The following MRPS9 variants were observed in gnomAD, a reference collection of about 807,000 sequenced individuals.
The protein encoded by MRPS9 is small ribosomal subunit protein uS9m.
In MRPS9, 45 loss-of-function variants were observed where a neutral mutation model predicts 59.9. The ratio of observed to expected loss-of-function variants is 0.75; its 90% CI spans 0.59 to 0.96. The LOEUF (loss-of-function observed/expected upper bound fraction) is 0.96. Among genes scored for constraint, MRPS9 ranks in the 40% least tolerant of loss-of-function variants. The pLI is 0.00. For missense variants in MRPS9, 473 were observed against 481.1 expected (o/e 0.98, Z 0.16); for synonymous variants, 171 against 166.8 (o/e 1.03, Z -0.19).
In MRPS9 at chr2:105,041,276, A is replaced by G. The variant is rs540405686; in HGVS notation, c.135+3049A>G. Among the ~76,000 whole-genome samples, 91 of 152,316 alleles carry G rather than the reference A, an allele frequency of 6.0e-4. 1 individual carries two copies. Among genetic ancestry groups the G allele is most frequent in the African/African-American group, 1.8e-3 (75 of 41,568 alleles). ...GTTTTCTATAATATTTGTGATTTTT[A>G]TAATAAGGAAAAACAAAAGACCAAT... On this transcript the variant is annotated intron_variant, in intron 1 of 10. Coordinates refer to ENST00000258455, the MANE Select transcript of MRPS9 (RefSeq NM_182640.3).
chr2:105,055,620 C>T (rs1265781743), intron 2 of MRPS9, among the ~76,000 whole-genome samples: 3 of 151,870 alleles, frequency 2.0e-5, no homozygotes, highest in Non-Finnish European at 2.9e-5. Flanking sequence ...TTAAATATAG[C>T]GGACCCCCTC....
In MRPS9 at chr2:105,049,306, A is replaced by G. The variant is rs1410574458; in HGVS notation, c.271A>G (p.Met91Val). 6.2e-7 allele frequency: 1 copy of G among 1,612,122 alleles called. No individual in the cohort carries two copies. Among genetic ancestry groups the G allele is most frequent in the Admixed American group, 1.7e-5 (1 of 59,382 alleles). The change falls in exon 2 of 11, where the codon ATG becomes GTG. Residue 91 changes from methionine to valine, a missense_variant. Transcript: ENST00000258455. ...CATAGGAAAGAGACATTTAGCCAAC[A>G]TGATGGGAGAAGATCCAGAAACTTT... ...FNIGKRHLAN[M>V]MGEDPETFTQ...
chr2:105,048,355 G>GA (rs1477097549), intron 1 of MRPS9, among the ~76,000 whole-genome samples: 1 of 151,612 alleles, frequency 6.6e-6, no homozygotes, highest in East Asian at 1.9e-4. Flanking sequence ...ACTGTTGTGG[G>GA]ATGGGGGGAG....
chr2:105,085,964 T>C (rs1242204629), intron 5 of MRPS9, among the ~76,000 whole-genome samples: 1 of 152,156 alleles, frequency 6.6e-6, no homozygotes, highest in Non-Finnish European at 1.5e-5. Context: ...TTAGCACACA[T>C]CTCTTCAGGG....
At chr2:105,067,039 G>A (rs552248487) in intron 2 of MRPS9, among the ~76,000 whole-genome samples, 2 of 152,000 alleles carry the variant, frequency 1.3e-5, no homozygotes, top group African/African-American at 4.8e-5. Context: ...TTATCGCTTT[G>A]TATATGTAAA....
intron 2 of MRPS9, among the ~76,000 whole-genome samples, chr2:105,061,942 A>G (rs751173658): frequency 6.6e-6 from 1 of 152,146 alleles, no homozygotes. Context: ...TCACAACTTG[A>G]TATTTATATG....
At chr2:105,077,333 A>C (rs1573438547) in intron 4 of MRPS9, among the ~76,000 whole-genome samples, 1 of 152,334 alleles carries the variant, frequency 6.6e-6, no homozygotes, top group East Asian at 1.9e-4. Flanking sequence ...GAAATTGTAA[A>C]TATTGTATCA....
chr2:105,052,985 C>A (rs962916375), intron 2 of MRPS9, among the ~76,000 whole-genome samples: 1 of 152,188 alleles, frequency 6.6e-6, no homozygotes, highest in Non-Finnish European at 1.5e-5. Flanking sequence ...TGGTCTGGAA[C>A]TCTTGGCATC....
At chr2:105,063,669 G>A (rs146144860) in intron 2 of MRPS9, among the ~76,000 whole-genome samples, 13 of 152,232 alleles carry the variant, frequency 8.5e-5, no homozygotes, top group African/African-American at 1.4e-4. Flanking sequence ...TTATATAACC[G>A]CAATATCACT....
At chr2:105,051,822 A>G (rs1028901258) in intron 2 of MRPS9, among the ~76,000 whole-genome samples, 13 of 152,044 alleles carry the variant, frequency 8.6e-5, no homozygotes, top group East Asian at 7.7e-4. Flanking sequence ...GTTTTATTTT[A>G]TAATATTTTT....
chr2:105,093,352 A>G (rs922285916), intron 8 of MRPS9, among the ~76,000 whole-genome samples, 178 bp from the exon 9 acceptor site: 5 of 152,138 alleles, frequency 3.3e-5, no homozygotes, highest in Admixed American at 2.6e-4. Context: ...GCTTTATTGC[A>G]TCTGTTGTGC....
chr2:105,095,498 C>CTTTTTTTTTTTT (rs1178730252), intron 9 of MRPS9, among the ~76,000 whole-genome samples: 2 of 122,582 alleles, frequency 1.6e-5, no homozygotes, highest in Non-Finnish European at 3.6e-5. Context: ...TTTTTTTTTT[C>CTTTTTTTTTTTT]TTTTTTTTTT....
intron 4 of MRPS9, among the ~76,000 whole-genome samples, chr2:105,076,770 TA>T (rs1322936027): frequency 6.6e-6 from 1 of 152,228 alleles, no homozygotes; most frequent in Non-Finnish European, 1.5e-5. Flanking sequence ...ATGTTGAAGT[TA>T]AAAATTTCTC....
intron 4 of MRPS9, among the ~76,000 whole-genome samples, chr2:105,074,143 A>G (rs1573436174): frequency 6.6e-6 from 1 of 152,308 alleles, no homozygotes; most frequent in South Asian, 2.1e-4. Flanking sequence ...ATTAAATCCT[A>G]TGGAATATGG....
chr2:105,062,799 G>A (rs1679930928), intron 2 of MRPS9, among the ~76,000 whole-genome samples: 1 of 152,142 alleles, frequency 6.6e-6, no homozygotes, highest in South Asian at 2.1e-4. Context: ...AGCCACATAG[G>A]CTACTGGCTG....
At chr2:105,061,566 A>G (rs1679904848) in intron 2 of MRPS9, among the ~76,000 whole-genome samples, 2 of 152,198 alleles carry the variant, frequency 1.3e-5, no homozygotes, top group Admixed American at 1.3e-4. Context: ...TTTTTCTGAC[A>G]CACAGAATTT....
At chr2:105,090,126 AAAAAC>A (rs147318136) in intron 7 of MRPS9, 131 bp downstream of exon 7, 85,399 of 480,684 alleles carry the variant, frequency 0.18, 9,064 homozygotes, top group Middle Eastern at 0.24. Context: ...TTCTTTCTTT[AAAAAC>A]AAAACAAAAC....
Position 105,060,758 on chromosome 2 carries a change from G to C in MRPS9, c.316-10555G>C, listed in dbSNP as rs77112796. On this transcript the variant is annotated intron_variant, in intron 2 of 10. Transcript: ENST00000258455. ...AAAGTCTCTTGAGGCATTGGCATTT[G>C]AGAGAAATAGATAGAGGAAGCCAAA... Among the ~76,000 whole-genome samples, 718 of 152,242 alleles carry C rather than the reference G, an allele frequency of 4.7e-3. 9 individuals carry two copies. The highest frequency in any genetic ancestry group is 5.3e-3 in the Non-Finnish European group (359 of 68,004).
At chr2:105,093,819 T>A (rs1680607512) in intron 9 of MRPS9, among the ~76,000 whole-genome samples, 181 bp downstream of exon 9, 1 of 152,228 alleles carries the variant, frequency 6.6e-6, no homozygotes, top group African/African-American at 2.4e-5. Flanking sequence ...CCAGATTTTT[T>A]AAAAAGCATC....
Sources: gnomAD v4.1 joint callset for allele counts (sites outside exome capture counted in the v4.1 genomes callset) on GRCh38, gnomAD v4.1.1 for gene constraint, MANE v1.5 for transcripts, NCBI Gene and HGNC (gene_info 2026-07-23, HGNC 2026-07-21) for gene names.